MACROD2: variants seen among roughly 807,000 people sequenced by gnomAD.
MACROD2 encodes the protein mono-ADP ribosylhydrolase 2.
In MACROD2, 36 loss-of-function variants were observed where a neutral mutation model predicts 70.4. The observed-to-expected ratio is 0.51, with a 90% CI of 0.39 to 0.68. The LOEUF (loss-of-function observed/expected upper bound fraction) is 0.68. MACROD2 is among the 30% of genes least tolerant of loss of function. The pLI is 0.00. For synonymous variants in MACROD2, 172 were observed against 178.8 expected, an observed-to-expected ratio of 0.96 and a Z score of 0.30; for missense variants, 496 against 538.4, an observed-to-expected ratio of 0.92 and a Z score of 0.78.
intron 8 of MACROD2, among the ~76,000 whole-genome samples, chr20:15,632,187 A>AAATAAAAATAAAG (rs2049301469): frequency 6.6e-6 from 1 of 151,514 alleles, no homozygotes; most frequent in East Asian, 1.9e-4. Flanking sequence ...AAATAAATAA[A>AAATAAAAATAAAG]AATAAAAATA....
intron 10 of MACROD2, among the ~76,000 whole-genome samples, chr20:15,926,897 C>T (rs942892657): frequency 6.6e-6 from 1 of 152,164 alleles, no homozygotes; most frequent in Non-Finnish European, 1.5e-5. Context: ...AGCTGCCTCA[C>T]ACTTTAAAAC....
At chr20:15,253,734 G>A (rs950858104) in intron 6 of MACROD2, among the ~76,000 whole-genome samples, 1 of 152,108 alleles carries the variant, frequency 6.6e-6, no homozygotes, top group African/African-American at 2.4e-5. Context: ...ATATGCTGAA[G>A]GTCACAATCT....
chr20:14,251,792 C>T (rs2082014895), intron 3 of MACROD2, among the ~76,000 whole-genome samples: 1 of 151,914 alleles, frequency 6.6e-6, no homozygotes, highest in African/African-American at 2.4e-5. Flanking sequence ...GTAAAGTGTA[C>T]CAAACTTAGA....
chr20:14,473,225 T>A (rs2084550735), intron 3 of MACROD2, among the ~76,000 whole-genome samples: 1 of 152,150 alleles, frequency 6.6e-6, no homozygotes, highest in African/African-American at 2.4e-5. Flanking sequence ...GTCACCCTAC[T>A]GTGCAATAGA....
At chr20:15,920,073 A>G (rs951709297) in intron 10 of MACROD2, among the ~76,000 whole-genome samples, 13 of 152,250 alleles carry the variant, frequency 8.5e-5, no homozygotes, top group African/African-American at 2.9e-4. Context: ...CAGGTTCATT[A>G]CTAAATAAAA....
At chr20:14,921,455 T>C (rs2074162491) in intron 5 of MACROD2, among the ~76,000 whole-genome samples, 1 of 152,202 alleles carries the variant, frequency 6.6e-6, no homozygotes, top group Non-Finnish European at 1.5e-5. Flanking sequence ...TAGAGAGTTT[T>C]GGATACATTT....
At chr20:14,843,855 T>C (rs2073111746) in intron 5 of MACROD2, among the ~76,000 whole-genome samples, 2 of 152,114 alleles carry the variant, frequency 1.3e-5, no homozygotes, top group Admixed American at 1.3e-4. Flanking sequence ...TTTTCAGTAG[T>C]TGTTTCTCTT....
At chr20:14,914,756 T>C (rs2074070458) in intron 5 of MACROD2, among the ~76,000 whole-genome samples, 2 of 152,234 alleles carry the variant, frequency 1.3e-5, no homozygotes, top group African/African-American at 4.8e-5. Context: ...CTCTTTAGCT[T>C]TTGCTAGCAT....
chr20:14,853,598 G>A (rs150073070), intron 5 of MACROD2, among the ~76,000 whole-genome samples: 7 of 151,922 alleles, frequency 4.6e-5, no homozygotes, highest in African/African-American at 9.7e-5. Flanking sequence ...GTCACCTTTC[G>A]GTTTCAGTTT....
Position 14,003,546 on chromosome 20 carries a change from A to G in MACROD2, c.163+1142A>G, listed in dbSNP as rs565929126. 3.3e-4 allele frequency: 112 copies of G among 340,846 alleles called. 3 individuals are homozygous for G. In the South Asian group the frequency reaches 3.4e-3, roughly 10 times the overall value. 21.1% of individuals were successfully genotyped at this position (340,846 alleles called of 1,614,324 possible). On this transcript the variant is annotated intron_variant, in intron 2 of 17. Coordinates refer to ENST00000684519, the MANE Select transcript of MACROD2 (RefSeq NM_001351661.2). ...TGCAAGTTGTTTTAAGAATGGTCTG[A>G]TTCCAAACTGATAAGATTGGCCTTA...
intron 4 of MACROD2, among the ~76,000 whole-genome samples, chr20:14,624,359 A>G (rs1003137967): frequency 6.6e-6 from 1 of 152,186 alleles, no homozygotes; most frequent in Non-Finnish European, 1.5e-5. Flanking sequence ...TCTTTTACTA[A>G]GGGACATTTT....
At chr20:14,448,053 C>A (rs1240920658) in intron 3 of MACROD2, among the ~76,000 whole-genome samples, 6 of 150,256 alleles carry the variant, frequency 4.0e-5, no homozygotes. Flanking sequence ...ATGTAAACAT[C>A]TGCGAGGCCA....
intron 10 of MACROD2, among the ~76,000 whole-genome samples, chr20:15,898,482 C>T (rs531870728): frequency 5.2e-5 from 7 of 133,986 alleles, no homozygotes; most frequent in Non-Finnish European, 7.7e-5. Flanking sequence ...ACCTGGGAGG[C>T]GGAGGTTGCA....
intron 3 of MACROD2, among the ~76,000 whole-genome samples, chr20:14,279,283 A>C (rs1031284439): frequency 2.0e-5 from 3 of 152,204 alleles, no homozygotes; most frequent in African/African-American, 4.8e-5. Flanking sequence ...ACAAAAACAA[A>C]CAAACAAAAA....
At chr20:14,001,181 C>T (rs1182687514) in intron 1 of MACROD2, among the ~76,000 whole-genome samples, 3 of 152,202 alleles carry the variant, frequency 2.0e-5, no homozygotes, top group Non-Finnish European at 4.4e-5. Flanking sequence ...TGAAACCTCT[C>T]TTGCTTTGGG....
intron 15 of MACROD2, among the ~76,000 whole-genome samples, chr20:16,026,812 C>T (rs930529424): frequency 2.6e-5 from 4 of 152,090 alleles, no homozygotes; most frequent in Admixed American, 6.5e-5. Flanking sequence ...AAAGCCCCTA[C>T]GAGGAGGGTT....
At chr20:14,522,195 A>G (rs895762477) in intron 4 of MACROD2, among the ~76,000 whole-genome samples, 7 of 152,192 alleles carry the variant, frequency 4.6e-5, no homozygotes, top group African/African-American at 1.7e-4. Context: ...GGGTTAAAAA[A>G]GCTATTCTAT....
intron 5 of MACROD2, among the ~76,000 whole-genome samples, chr20:15,041,450 T>C (rs1416174448): frequency 6.6e-6 from 1 of 152,054 alleles, no homozygotes; most frequent in Non-Finnish European, 1.5e-5. Flanking sequence ...TCTCTCTCTC[T>C]CTCTTACTTT....
At chr20:14,470,276 T>C (rs1395562249) in intron 3 of MACROD2, among the ~76,000 whole-genome samples, 1 of 152,090 alleles carries the variant, frequency 6.6e-6, no homozygotes, top group East Asian at 1.9e-4. Context: ...CAGCAAAGAT[T>C]GCTGTCTTTT....
Sources: allele counts gnomAD v4.1 joint callset (sites outside exome capture counted in the v4.1 genomes callset), GRCh38; gene constraint gnomAD v4.1.1; transcripts MANE v1.5; gene names NCBI Gene and HGNC (gene_info 2026-07-23, HGNC 2026-07-21).